Variants in COL18A1 observed in about 807,000 individuals in gnomAD.
COL18A1 encodes collagen alpha-1(XVIII) chain.
A neutral mutation model predicts 168.0 loss-of-function variants in COL18A1; 133 were observed. The ratio of observed to expected loss-of-function variants is 0.79; its 90% CI spans 0.69 to 0.91. COL18A1 has a LOEUF of 0.91. Among genes scored for constraint, COL18A1 ranks in the 40% least tolerant of loss-of-function variants. COL18A1 has a pLI of 0.00. For synonymous variants in COL18A1, 949 were observed against 809.0 expected (o/e 1.17, Z -2.94); for missense variants, 2,126 against 1,925.4 (o/e 1.10, Z -1.95).
intron 40 of COL18A1, 27 bp downstream of exon 40, chr21:45,510,288 G>A (rs574830508): frequency 4.9e-5 from 77 of 1,570,034 alleles, no homozygotes; most frequent in South Asian, 4.3e-4. Flanking sequence ...CTGAGGGCGC[G>A]GGCTCCTCGG....
intron 32 of COL18A1, among the ~76,000 whole-genome samples, chr21:45,501,755 C>G (rs557231729): frequency 1.3e-3 from 124 of 93,228 alleles, no homozygotes; most frequent in South Asian, 2.1e-3. Flanking sequence ...AGCCGGTCAC[C>G]TCCCTCTGCA....
Position 45,481,966 on chromosome 21 carries a change from C to T in COL18A1, c.1615C>T (p.Pro539Ser), listed in dbSNP as rs375417533. 60 of 1,611,070 alleles carry T rather than the reference C, an allele frequency of 3.7e-5. No homozygotes were observed. In the African/African-American group the frequency reaches 7.3e-4, roughly 20 times the overall value. Residue 539 changes from proline (P) to serine (S), a missense_variant, in exon 14 of 42, where the codon CCC becomes TCC. Transcript: ENST00000651438. The stretch of plus-strand genomic sequence containing the variant: ...ACTATGCTCTGCTCTCCCCCAGGGA[C>T]CCCCAGGCCCTCCGGGAAGAGAGGG... ...GPPGFPGLPG[P>S]PGPPGREGPP...
intron 2 of COL18A1, among the ~76,000 whole-genome samples, chr21:45,437,988 A>T (rs2034231533): frequency 3.2e-5 from 2 of 62,312 alleles, no homozygotes; most frequent in Non-Finnish European, 2.8e-5. Context: ...ACACACTCAG[A>T]CACACAGGCA....
intron 2 of COL18A1, among the ~76,000 whole-genome samples, chr21:45,411,504 A>G (rs1250523000): frequency 1.3e-5 from 2 of 152,022 alleles, no homozygotes; most frequent in Non-Finnish European, 1.5e-5. Flanking sequence ...AAACACCACA[A>G]TGAGCCTCGG....
At chr21:45,496,421 T>A (rs1430540401) in intron 29 of COL18A1, 79 bp from the exon 30 acceptor site, 2 of 796,764 alleles carry the variant, frequency 2.5e-6, no homozygotes, top group Non-Finnish European at 4.6e-6. Flanking sequence ...ATTTTTCTGA[T>A]TTTTCTGAAC....
At chr21:45,485,801 C>T (rs1160697881) in intron 15 of COL18A1, among the ~76,000 whole-genome samples, 1 of 152,212 alleles carries the variant, frequency 6.6e-6, no homozygotes, top group Non-Finnish European at 1.5e-5. Flanking sequence ...AAGGACCCTT[C>T]CCCACAGAGG....
At chr21:45,480,669 G>T (rs1383227098) in intron 12 of COL18A1, 31 bp from the exon 13 acceptor site, 2 of 1,610,902 alleles carry the variant, frequency 1.2e-6, no homozygotes, top group Admixed American at 1.7e-5. Flanking sequence ...TGCCACATGG[G>T]CTGTGACTAT....
intron 2 of COL18A1, among the ~76,000 whole-genome samples, chr21:45,445,427 A>G (rs2034483479): frequency 6.6e-6 from 1 of 152,202 alleles, no homozygotes; most frequent in Non-Finnish European, 1.5e-5. Flanking sequence ...ACACTTGTGT[A>G]CAAGTTTCAG....
At chr21:45,430,223 T>C (rs2033919533) in intron 2 of COL18A1, among the ~76,000 whole-genome samples, 1 of 146,570 alleles carries the variant, frequency 6.8e-6, no homozygotes, top group Non-Finnish European at 1.5e-5. Context: ...TCTCGCCCTC[T>C]CCTGTATGTG....
Position 45,473,231 on chromosome 21 carries a change from C to T in COL18A1, c.652-664C>T, listed in dbSNP as rs1266781700. The stretch of plus-strand genomic sequence containing the variant: ...GCATCTCACCAGGCACCGCCGGCCG[C>T]GCCAGGGCCCGAGAGGGCAGGGTCA... On this transcript the variant is annotated intron_variant, in intron 3 of 41. Transcript: ENST00000651438. This position sits in a 1 kb window ranked among gnomAD's most constrained non-coding sequence, Gnocchi z 4.0. 6.6e-6 allele frequency among the ~76,000 whole-genome samples: 1 copy of T among 152,230 alleles called. No individual in the cohort carries two copies. The highest frequency in any genetic ancestry group is 2.1e-4 in the South Asian group (1 of 4,834).
Position 45,473,920 on chromosome 21 carries a change from G to T in COL18A1, c.677G>T (p.Arg226Leu). 1 of 1,605,092 alleles carries T rather than the reference G, an allele frequency of 6.2e-7. No homozygotes were observed. The highest frequency in any genetic ancestry group is 8.5e-7 in the Non-Finnish European group (1 of 1,175,996). Residue 226 changes from arginine to leucine, a missense_variant, in exon 4 of 42, where the codon CGC (arginine) becomes CTC (leucine). By Grantham distance (102) the Arg-to-Leu change is moderately radical (BLOSUM62 -2). Transcript: ENST00000651438. The surrounding 1 kb of genome is among the most constrained non-coding windows in gnomAD (Gnocchi z 4.0). ...GGGGTGATCGCTGAGCTGAAGGTGC[G>T]CAGGGACCCCCAGGTGAGCCCCATG... ...FQGVIAELKV[R>L]RDPQVSPMHC...
chr21:45,405,643 G>T (rs1404198770), intron 2 of COL18A1, among the ~76,000 whole-genome samples, 170 bp downstream of exon 2: 1 of 151,000 alleles, frequency 6.6e-6, no homozygotes, highest in African/African-American at 2.4e-5. Flanking sequence ...GGGCGGGGTG[G>T]CCGGAGTCCC....
intron 15 of COL18A1, among the ~76,000 whole-genome samples, chr21:45,485,599 C>T (rs764128730): frequency 2.6e-5 from 4 of 152,218 alleles, no homozygotes; most frequent in Non-Finnish European, 4.4e-5. Context: ...ATGAAGTTAG[C>T]CCTCAAGTTA....
chr21:45,491,767 G>A (rs2036362731), intron 22 of COL18A1, among the ~76,000 whole-genome samples: 1 of 152,214 alleles, frequency 6.6e-6, no homozygotes, highest in African/African-American at 2.4e-5. Flanking sequence ...CCTGCCAGCA[G>A]TGCATCCCAC....
intron 2 of COL18A1, among the ~76,000 whole-genome samples, chr21:45,442,411 A>T (rs1370968771): frequency 1.3e-5 from 2 of 152,032 alleles, no homozygotes; most frequent in African/African-American, 4.8e-5. Context: ...CTCACTCACC[A>T]TGGGTGTCCC....
chr21:45,499,638 C>A (rs949950350), intron 32 of COL18A1, among the ~76,000 whole-genome samples: 1 of 152,202 alleles, frequency 6.6e-6, no homozygotes, highest in Non-Finnish European at 1.5e-5. Context: ...GCACAGGCTG[C>A]ACAGCATGGT....
In COL18A1 at chr21:45,505,191, C is replaced by T. The variant is rs1568942148; in HGVS notation, c.2926C>T (p.Pro976Ser). 6.2e-7 allele frequency: 1 copy of T among 1,605,270 alleles called. No individual in the cohort carries two copies. The highest frequency in any genetic ancestry group is 8.5e-7 in the Non-Finnish European group (1 of 1,177,000). Residue 976 changes from proline (P) to serine (S), a missense_variant, in exon 35 of 42, where the codon CCC becomes TCC. Pro to Ser is a moderately conservative substitution (Grantham distance 74). Coordinates refer to ENST00000651438, the MANE Select transcript of COL18A1 (RefSeq NM_001379500.1). ...QPGPPGPQGP[P>S]GIGYEGRQGP... ...CGGCCCACCTGGACCTCAGGGACCCCCCGGCATCGGCTACGAGGGGCGCCA... is the reference window on the plus strand; with the variant it reads ...CGGCCCACCTGGACCTCAGGGACCCTCCGGCATCGGCTACGAGGGGCGCCA...
At position 45,455,725 on chromosome 21, in the gene COL18A1, C is replaced by G; in HGVS notation, c.107-12517C>G. 1 of 1,613,932 alleles carries G rather than the reference C, an allele frequency of 6.2e-7. No individual in the cohort carries two copies. Among genetic ancestry groups the G allele is most frequent in the Non-Finnish European group, 8.5e-7 (1 of 1,179,998 alleles). ...CAGCAGATACCACCACACACGTGAC[C>G]CCCCGGAATGGTTCCACAGAGCCAG... On this transcript the variant is annotated intron_variant, in intron 2 of 41. Transcript: ENST00000651438.
In COL18A1 at chr21:45,477,896, T is replaced by G. The variant is rs750594016; in HGVS notation, c.1152T>G (p.Thr384=). The change falls in exon 8 of 42, where the codon ACT becomes ACG. Residue 384 remains threonine, a synonymous_variant. Transcript: ENST00000651438. The stretch of plus-strand genomic sequence containing the variant: ...GTCCTGCAGGCCCAGCGTTGCAAAC[T>G]GTCCCCGGACCACAAGGACCCCCAG... The part of the protein sequence containing the change: ...PLGPAGPALQ[T]VPGPQGPPGP... 8 of 1,564,600 alleles carry G rather than the reference T, an allele frequency of 5.1e-6. No homozygotes were observed. The highest frequency in any genetic ancestry group is 6.1e-6 in the Non-Finnish European group (7 of 1,154,696).
Sources: allele counts gnomAD v4.1 joint callset (sites outside exome capture counted in the v4.1 genomes callset), GRCh38; gene constraint gnomAD v4.1.1; non-coding constraint Gnocchi (gnomAD v3.1); transcripts MANE v1.5; gene names NCBI Gene and HGNC (gene_info 2026-07-23, HGNC 2026-07-21).